RBFOX1: variants seen among roughly 807,000 people sequenced by gnomAD.
The protein encoded by RBFOX1 is RNA binding protein fox-1 homolog 1.
In RBFOX1, 8 loss-of-function variants were observed where a neutral mutation model predicts 57.7. The observed-to-expected ratio is 0.14, with a 90% confidence interval of 0.08 to 0.25. The LOEUF (loss-of-function observed/expected upper bound fraction) is 0.25. Ranked by LOEUF, RBFOX1 falls within the 10% of genes least tolerant of loss-of-function variation. The pLI is 1.00. For missense variants in RBFOX1, 611 were observed against 548.5 expected (o/e 1.11, Z -1.14); for synonymous variants, 326 against 222.4 (o/e 1.47, Z -4.15).
At chr16:6,878,082 G>C (rs2062174937) in intron 3 of RBFOX1, among the ~76,000 whole-genome samples, 2 of 152,298 alleles carry the variant, frequency 1.3e-5, no homozygotes, top group East Asian at 1.9e-4. Flanking sequence ...ATAGAAGAGA[G>C]AATGGCTGAG....
At chr16:6,767,932 T>TAAGAAGAAGAAGAAG (rs1247016398) in intron 3 of RBFOX1, among the ~76,000 whole-genome samples, 12 of 94,870 alleles carry the variant, frequency 1.3e-4, no homozygotes, top group African/African-American at 6.0e-4. Context: ...ATAATAATAA[T>TAAGAAGAAGAAGAAG]AATAATAATA....
chr16:6,923,391 G>A (rs952757069), intron 3 of RBFOX1, among the ~76,000 whole-genome samples: 1 of 152,102 alleles, frequency 6.6e-6, no homozygotes, highest in Non-Finnish European at 1.5e-5. Context: ...CAAATTAGCA[G>A]GCATGGTGGG....
At chr16:5,571,160 A>C (rs2046269250) in intron 2 of RBFOX1, among the ~76,000 whole-genome samples, 1 of 148,746 alleles carries the variant, frequency 6.7e-6, no homozygotes, top group African/African-American at 2.5e-5. Context: ...TGAGACAGAA[A>C]CCTTGTAACT....
intron 2 of RBFOX1, among the ~76,000 whole-genome samples, chr16:6,501,065 C>G (rs547546478): frequency 6.6e-6 from 1 of 151,070 alleles, no homozygotes; most frequent in South Asian, 2.1e-4. Flanking sequence ...TGCCCCTGGA[C>G]CCTATCCTGC....
intron 1 of RBFOX1, among the ~76,000 whole-genome samples, chr16:6,254,894 C>T (rs902343963): frequency 6.6e-6 from 1 of 152,114 alleles, no homozygotes; most frequent in South Asian, 2.1e-4. Flanking sequence ...TGGCTTTCCC[C>T]CCATGCCCAC....
intron 3 of RBFOX1, among the ~76,000 whole-genome samples, chr16:7,042,819 G>A (rs760443609): frequency 3.9e-5 from 6 of 152,144 alleles, no homozygotes; most frequent in Admixed American, 6.5e-5. Flanking sequence ...CCAGGTACTC[G>A]GGAGGCTGAG....
At chr16:6,733,569 G>T (rs966658931) in intron 3 of RBFOX1, among the ~76,000 whole-genome samples, 1 of 152,166 alleles carries the variant, frequency 6.6e-6, no homozygotes, top group African/African-American at 2.4e-5. Flanking sequence ...AATAATGGTT[G>T]TAGCCTGCAG....
intron 2 of RBFOX1, among the ~76,000 whole-genome samples, chr16:6,653,650 T>G (rs138024029): frequency 1.2e-3 from 181 of 149,804 alleles, no homozygotes; most frequent in African/African-American, 4.1e-3. Flanking sequence ...AATGGATGGA[T>G]GGATGAATGG....
chr16:6,623,639 C>T lies in RBFOX1; in HGVS notation c.-63-30964C>T, dbSNP rs375845548. The stretch of plus-strand genomic sequence containing the variant: ...GCCCCGGTGTCTAATGTTCCCCTTC[C>T]TGTGTCCATGTGTTCTCATCGTTCA... On this transcript the variant is annotated intron_variant, in intron 2 of 15. Transcript: ENST00000550418. Among the ~76,000 whole-genome samples the T allele has an allele frequency of 4.6e-5, 7 of 152,078 alleles. No individual in the cohort carries two copies. In the East Asian group the frequency reaches 5.8e-4, roughly 13 times the overall value.
chr16:7,277,333 G>C lies in RBFOX1; in HGVS notation c.27+225235G>C, dbSNP rs367758484. On this transcript the variant is annotated intron_variant, in intron 4 of 15. Transcript: ENST00000550418. Reference sequence around the variant, plus strand: ...TGGTTACTCAGGGAAGATCCAATGTGGTTTGTATGTAGATATCTCCTTCTT... The same window carrying C: ...TGGTTACTCAGGGAAGATCCAATGTCGTTTGTATGTAGATATCTCCTTCTT... 1.2e-4 allele frequency among the ~76,000 whole-genome samples: 19 copies of C among 152,196 alleles called. No individual in the cohort carries two copies. In the South Asian group the frequency reaches 3.7e-3, roughly 30 times the overall value.
intron 1 of RBFOX1, among the ~76,000 whole-genome samples, chr16:6,215,195 GA>G (rs2097327897): frequency 8.5e-6 from 1 of 117,182 alleles, no homozygotes; most frequent in Non-Finnish European, 1.8e-5. Flanking sequence ...AGAAGGAGAG[GA>G]GGATAAGGAG....
chr16:6,827,344 G>T (rs2092282458), intron 3 of RBFOX1, among the ~76,000 whole-genome samples: 1 of 152,138 alleles, frequency 6.6e-6, no homozygotes, highest in Admixed American at 6.5e-5. Flanking sequence ...ATCCATTAAA[G>T]AAGAAATGGG....
chr16:5,856,185 CTCTA>C (rs1263052315), intron 3 of RBFOX1, among the ~76,000 whole-genome samples: 86 of 39,880 alleles, frequency 2.2e-3, no homozygotes, highest in South Asian at 6.2e-3. Flanking sequence ...CTCTCTCTCT[CTCTA>C]TATATATATA....
intron 3 of RBFOX1, among the ~76,000 whole-genome samples, chr16:7,050,806 C>G (rs1452587454): frequency 6.6e-6 from 1 of 151,772 alleles, no homozygotes; most frequent in East Asian, 1.9e-4. Flanking sequence ...TTTTTTCATA[C>G]ATAATGTTGT....
At chr16:5,896,413 C>G (rs2058164524) in intron 4 of RBFOX1, among the ~76,000 whole-genome samples, 1 of 151,974 alleles carries the variant, frequency 6.6e-6, no homozygotes, top group African/African-American at 2.4e-5. Flanking sequence ...GAACTGATTG[C>G]TAAAAAAACC....
chr16:6,849,948 T>C (rs1002197333), intron 3 of RBFOX1, among the ~76,000 whole-genome samples: 6 of 152,224 alleles, frequency 3.9e-5, no homozygotes, highest in Admixed American at 6.5e-5. Flanking sequence ...ATTAGAAAGC[T>C]GGAGACTTTG....
intron 3 of RBFOX1, among the ~76,000 whole-genome samples, chr16:7,030,976 G>A (rs1201920287): frequency 6.6e-6 from 1 of 152,218 alleles, no homozygotes; most frequent in Non-Finnish European, 1.5e-5. Flanking sequence ...GACATGGGGT[G>A]TGTGGAGCAG....
chr16:6,156,582 A>C (rs1217677093), intron 1 of RBFOX1, among the ~76,000 whole-genome samples: 3 of 152,228 alleles, frequency 2.0e-5, no homozygotes, highest in African/African-American at 7.2e-5. Context: ...TCCAACATGT[A>C]ACAGTGAGAC....
At chr16:6,596,260 C>A (rs2097775776) in intron 2 of RBFOX1, among the ~76,000 whole-genome samples, 1 of 151,988 alleles carries the variant, frequency 6.6e-6, no homozygotes. Flanking sequence ...AACATTTAGG[C>A]CTATGATTCA....
Sources: allele counts gnomAD v4.1 joint callset (sites outside exome capture counted in the v4.1 genomes callset), GRCh38; gene constraint gnomAD v4.1.1; transcripts MANE v1.5; gene names NCBI Gene and HGNC (gene_info 2026-07-23, HGNC 2026-07-21).